Variants in FER1L6 observed in about 807,000 individuals in gnomAD.
The protein encoded by FER1L6 is fer-1-like protein 6.
In FER1L6, 177 loss-of-function variants were observed where a neutral mutation model predicts 219.2. The ratio of observed to expected loss-of-function variants is 0.81; its 90% CI spans 0.71 to 0.91. The LOEUF (loss-of-function observed/expected upper bound fraction) is 0.91. Among genes scored for constraint, FER1L6 ranks in the 40% least tolerant of loss-of-function variants. The pLI is 0.00. For synonymous variants in FER1L6, 768 were observed against 824.3 expected (o/e 0.93, Z 1.17); for missense variants, 2,153 against 2,259.9 (o/e 0.95, Z 0.96).
intron 1 of FER1L6, among the ~76,000 whole-genome samples, chr8:123,933,503 G>T (rs576609564): frequency 4.6e-5 from 7 of 152,292 alleles, no homozygotes; most frequent in Non-Finnish European, 1.0e-4. Context: ...CACGTAGCAA[G>T]CAGCACCCAG....
chr8:123,933,368 A>ATGTGTGTG (rs1491259026), intron 1 of FER1L6, among the ~76,000 whole-genome samples: 1 of 137,510 alleles, frequency 7.3e-6, no homozygotes, highest in East Asian at 2.3e-4. Context: ...CTATCATAGC[A>ATGTGTGTG]TATGTGTGTC....
chr8:123,970,515 G>A (rs1343749497), intron 6 of FER1L6, among the ~76,000 whole-genome samples: 2 of 152,016 alleles, frequency 1.3e-5, no homozygotes, highest in African/African-American at 2.4e-5. Flanking sequence ...CTCCTAGTTG[G>A]GTAATGAATA....
rs1822972714 is a variant in FER1L6 at position 124,110,386 on chromosome 8, T to A, written c.5289+7077T>A. The stretch of plus-strand genomic sequence containing the variant: ...AAGGATGAGATTCAAACACAAGCAG[T>A]TCACTTCTACACTCTTGAGTCCTAA... On this transcript the variant is annotated intron_variant, in intron 39 of 40. Coordinates refer to ENST00000522917, the MANE Select transcript of FER1L6 (RefSeq NM_001039112.2). Among the ~76,000 whole-genome samples, 3 of 152,302 alleles carry A rather than the reference T, an allele frequency of 2.0e-5. No individual in the cohort carries two copies. In the South Asian group the frequency reaches 6.2e-4, roughly 32 times the overall value.
In FER1L6 at chr8:123,852,176, A is replaced by G. The variant is rs1816521154; in HGVS notation, c.-17A>G. 1 of 152,278 alleles carries G rather than the reference A, an allele frequency of 6.6e-6. No individual in the cohort carries two copies. The highest frequency in any genetic ancestry group is 1.5e-5 in the Non-Finnish European group (1 of 68,072). The allele number at this position is 152,278 out of a possible 1,614,324, so 9.4% of individuals were successfully genotyped here. ...TGTGTGGACCATCGTGAAGGTGGAC[A>G]AGGCATTTTGTAAGTCCATAGATAA... On this transcript the variant is annotated 5_prime_UTR_variant, in exon 1 of 41. Transcript: ENST00000522917. The surrounding 1 kb of genome is among the most constrained non-coding windows in gnomAD (Gnocchi z 4.9).
intron 21 of FER1L6, among the ~76,000 whole-genome samples, chr8:124,048,441 C>A (rs76813467): frequency 1.3e-5 from 2 of 152,170 alleles, no homozygotes; most frequent in African/African-American, 4.8e-5. Flanking sequence ...AGAATGACTG[C>A]GCAGCCCCAT....
At chr8:124,115,315 C>A (rs1439407939) in intron 39 of FER1L6, among the ~76,000 whole-genome samples, 1 of 151,760 alleles carries the variant, frequency 6.6e-6, no homozygotes, top group African/African-American at 2.4e-5. Flanking sequence ...ATGGTTGAAA[C>A]AGGACAGGAA....
At chr8:123,913,070 C>A (rs1813085116) in intron 1 of FER1L6, among the ~76,000 whole-genome samples, 1 of 152,038 alleles carries the variant, frequency 6.6e-6, no homozygotes, top group East Asian at 1.9e-4. Flanking sequence ...GCCCATAAAC[C>A]TGGTTTATTT....
intron 18 of FER1L6, among the ~76,000 whole-genome samples, chr8:124,030,783 A>G (rs11993566): frequency 1.0e-3 from 157 of 152,214 alleles, no homozygotes; most frequent in African/African-American, 3.7e-3. Flanking sequence ...CCTCTACCAC[A>G]TAAACAAACC....
At chr8:123,875,303 A>G (rs551914027) in intron 1 of FER1L6, among the ~76,000 whole-genome samples, 2 of 152,284 alleles carry the variant, frequency 1.3e-5, no homozygotes, top group South Asian at 4.1e-4. Flanking sequence ...GAAAGAGGTC[A>G]CCAGTGACTT....
chr8:123,934,212 A>AG (rs1350329745), intron 1 of FER1L6, among the ~76,000 whole-genome samples: 1 of 152,142 alleles, frequency 6.6e-6, no homozygotes, highest in East Asian at 1.9e-4. Flanking sequence ...CTCCGCCTCC[A>AG]GGGTTAACTG....
chr8:123,869,535 A>T (rs1253270755), intron 1 of FER1L6, among the ~76,000 whole-genome samples: 1 of 152,232 alleles, frequency 6.6e-6, no homozygotes, highest in South Asian at 2.1e-4. Flanking sequence ...CAAGCTAAAG[A>T]TATGAAAGAA....
At chr8:124,085,812 AATTGGGTGTTG>A (rs1423552795) in intron 33 of FER1L6, among the ~76,000 whole-genome samples, 1 of 152,090 alleles carries the variant, frequency 6.6e-6, no homozygotes, top group African/African-American at 2.4e-5. Flanking sequence ...CAGTGCTGAA[AATTGGGTGTTG>A]AAATCTCCAG....
At chr8:124,099,696 A>G (rs1252550455) in intron 37 of FER1L6, among the ~76,000 whole-genome samples, 1 of 151,908 alleles carries the variant, frequency 6.6e-6, no homozygotes, top group Non-Finnish European at 1.5e-5. Context: ...TGTACTTAAA[A>G]CCCTTCAATG....
At chr8:123,910,033 T>C (rs1813024756) in intron 1 of FER1L6, among the ~76,000 whole-genome samples, 1 of 152,188 alleles carries the variant, frequency 6.6e-6, no homozygotes, top group Non-Finnish European at 1.5e-5. Context: ...TACTTTGTTG[T>C]TGTTAGCAGT....
intron 17 of FER1L6, among the ~76,000 whole-genome samples, chr8:124,023,162 G>A (rs1346064285): frequency 6.6e-6 from 1 of 152,138 alleles, no homozygotes; most frequent in East Asian, 1.9e-4. Context: ...TGATCCACGT[G>A]CCTTGGCCTC....
intron 22 of FER1L6, 129 bp from the exon 23 acceptor site, chr8:124,060,051 G>T: frequency 1.5e-6 from 1 of 689,082 alleles, no homozygotes; most frequent in Non-Finnish European, 2.6e-6. Context: ...CATGGTCCTT[G>T]TATTTTAAGC....
chr8:123,930,899 T>C (rs1284135050), intron 1 of FER1L6, among the ~76,000 whole-genome samples: 2 of 152,162 alleles, frequency 1.3e-5, no homozygotes, highest in African/African-American at 4.8e-5. Context: ...TGAGGAGGCA[T>C]GGGTTGAGCA....
intron 15 of FER1L6, among the ~76,000 whole-genome samples, chr8:124,014,980 A>T (rs1818118718): frequency 6.6e-6 from 1 of 152,124 alleles, no homozygotes; most frequent in African/African-American, 2.4e-5. Context: ...TGCAGAATTC[A>T]GTTTTTCATG....
intron 1 of FER1L6, among the ~76,000 whole-genome samples, chr8:123,907,637 A>G (rs1220763213): frequency 6.7e-6 from 1 of 149,872 alleles, no homozygotes; most frequent in Non-Finnish European, 1.5e-5. Context: ...ACTCCCCAGT[A>G]TGAGAAGAAT....
Sources: allele counts gnomAD v4.1 joint callset (sites outside exome capture counted in the v4.1 genomes callset), GRCh38; gene constraint gnomAD v4.1.1; non-coding constraint Gnocchi (gnomAD v3.1); transcripts MANE v1.5; gene names NCBI Gene and HGNC (gene_info 2026-07-23, HGNC 2026-07-21).